The following LNPEP variants were observed in gnomAD, a reference collection of about 807,000 sequenced individuals.
The protein encoded by LNPEP is leucyl and cystinyl aminopeptidase, also known as leucyl-cystinyl aminopeptidase.
LNPEP carries 64 observed loss-of-function variants against 120.6 expected under a neutral mutation model. That is an observed-to-expected ratio of 0.53 (90% confidence interval 0.43 to 0.65). The LOEUF is 0.65. Among genes scored for constraint, LNPEP ranks in the 30% least tolerant of loss-of-function variants. The pLI, the probability that LNPEP is intolerant of heterozygous loss-of-function variation, is 0.00. For synonymous variants in LNPEP, 435 were observed against 425.4 expected, an observed-to-expected ratio of 1.02 and a Z score of -0.28; for missense variants, 1,057 against 1,200.0, an observed-to-expected ratio of 0.88 and a Z score of 1.76.
In LNPEP at chr5:96,954,749, CATATAT is replaced by C. The variant is rs1193708221; in HGVS notation, c.19+18594_19+18599del. 1.9e-3 allele frequency among the ~76,000 whole-genome samples: 46 copies of C among 24,204 alleles called. 8 individuals are homozygous for C. The highest frequency in any genetic ancestry group is 6.1e-3 in the African/African-American group (33 of 5,410). 15.9% of individuals were successfully genotyped at this position (24,204 alleles called of 152,430 possible). On this transcript the variant is annotated intron_variant, in intron 1 of 17. Transcript: ENST00000231368. ...ATATATATATACATATATATATACACATATATATATATATATATATATATTTTTTTT... is the reference window on the plus strand; with the variant it reads ...ATATATATATACATATATATATACACATATATATATATATATATTTTTTTT...
intron 1 of LNPEP, chr5:96,942,826 A>T (rs1045790614): frequency 2.0e-5 from 3 of 152,798 alleles, no homozygotes; most frequent in African/African-American, 7.2e-5. Flanking sequence ...ATACATATGT[A>T]ACAAACCTGC....
chr5:96,991,504 A>G (rs1266000417), intron 4 of LNPEP, among the ~76,000 whole-genome samples: 3 of 152,034 alleles, frequency 2.0e-5, no homozygotes, highest in Non-Finnish European at 4.4e-5. Context: ...GGCCATTTTT[A>G]CCAGGAGTAA....
chr5:96,979,777 C>A lies in LNPEP; in HGVS notation c.659C>A (p.Thr220Asn), dbSNP rs200097839. 1 of 1,613,964 alleles carries A rather than the reference C, an allele frequency of 6.2e-7. No individual in the cohort carries two copies. The highest frequency in any genetic ancestry group is 8.5e-7 in the Non-Finnish European group (1 of 1,179,932). Reference sequence around the variant, plus strand: ...ACAGGTCATAATATTTCAAGAGTGACCTTTATGTCAGCAGTTTCAAGCCAA... The same window carrying A: ...ACAGGTCATAATATTTCAAGAGTGAACTTTATGTCAGCAGTTTCAAGCCAA... ...HSTGHNISRV[T>N]FMSAVSSQEK... Residue 220 changes from threonine to asparagine, a missense_variant, in exon 2 of 18, where the codon ACC (threonine) becomes AAC (asparagine). Thr to Asn is a moderately conservative substitution (Grantham distance 65). Transcript: ENST00000231368.
chr5:96,955,577 T>C (rs1370520929), intron 1 of LNPEP, among the ~76,000 whole-genome samples: 3 of 152,182 alleles, frequency 2.0e-5, no homozygotes, highest in Non-Finnish European at 4.4e-5. Context: ...ATTGTGCCAC[T>C]GCACTCCAGC....
At chr5:97,001,686 G>T (rs1422183979) in intron 8 of LNPEP, among the ~76,000 whole-genome samples, 1 of 152,144 alleles carries the variant, frequency 6.6e-6, no homozygotes, top group African/African-American at 2.4e-5. Context: ...ACGAGACCGA[G>T]AAGGATGGCC....
In LNPEP at chr5:96,979,623, C is replaced by T; in HGVS notation, c.505C>T (p.Pro169Ser). The T allele has an allele frequency of 6.2e-7, 1 of 1,614,134 alleles. No individual in the cohort carries two copies. The highest frequency in any genetic ancestry group is 8.5e-7 in the Non-Finnish European group (1 of 1,179,990). ...KLFPWAQIRLPTAVVPLRYEL... is the reference protein window; with the variant it reads ...KLFPWAQIRLSTAVVPLRYEL... ...GTTTCCATGGGCACAGATCAGGCTT[C>T]CCACTGCCGTTGTGCCACTACGCTA... is the stretch of plus-strand genomic sequence containing the variant. The change falls in exon 2 of 18, where the codon CCC becomes TCC. Residue 169 changes from proline to serine, a missense_variant. Physicochemically the swap from Pro to Ser is moderately conservative, Grantham distance 74. Coordinates refer to ENST00000231368, the MANE Select transcript of LNPEP (RefSeq NM_005575.3).
At chr5:97,012,950 A>G (rs189313393) in intron 11 of LNPEP, among the ~76,000 whole-genome samples, 5 of 152,270 alleles carry the variant, frequency 3.3e-5, no homozygotes, top group African/African-American at 9.6e-5. Flanking sequence ...ACTTTTCTAA[A>G]TGGCTTTGTT....
At chr5:97,005,063 A>G (rs1192088862) in intron 9 of LNPEP, among the ~76,000 whole-genome samples, 2 of 152,194 alleles carry the variant, frequency 1.3e-5, no homozygotes, top group African/African-American at 4.8e-5. Flanking sequence ...CCTTGGTTTT[A>G]GGCAAGCTTA....
At chr5:96,966,460 A>G (rs1047497365) in intron 1 of LNPEP, among the ~76,000 whole-genome samples, 1 of 151,148 alleles carries the variant, frequency 6.6e-6, no homozygotes, top group African/African-American at 2.4e-5. Flanking sequence ...TAATTGTGCC[A>G]TTGCACTCCA....
At chr5:96,936,318 G>T in intron 1 of LNPEP, 144 bp downstream of exon 1, 2 of 316,964 alleles carry the variant, frequency 6.3e-6, no homozygotes, top group Non-Finnish European at 5.3e-6. Flanking sequence ...AGGGAGAGGG[G>T]ATCTGGGGGA....
intron 4 of LNPEP, among the ~76,000 whole-genome samples, chr5:96,987,221 C>T (rs1047579591): frequency 1.3e-5 from 2 of 152,020 alleles, no homozygotes; most frequent in African/African-American, 4.8e-5. Flanking sequence ...AAATTAGACT[C>T]TTCTGTTTTT....
intron 15 of LNPEP, 148 bp from the exon 16 acceptor site, chr5:97,026,469 C>T (rs1582037993): frequency 1.9e-6 from 1 of 525,192 alleles, no homozygotes; most frequent in Non-Finnish European, 3.3e-6. Context: ...CATTTTCAAT[C>T]TATAGATCAA....
chr5:97,023,700 A>G (rs1162567829), intron 14 of LNPEP, among the ~76,000 whole-genome samples: 3 of 152,114 alleles, frequency 2.0e-5, no homozygotes, highest in Admixed American at 1.3e-4. Flanking sequence ...TTGGTGTGCA[A>G]ATATCTCCTA....
intron 11 of LNPEP, among the ~76,000 whole-genome samples, chr5:97,009,594 A>G (rs1790876371): frequency 6.6e-6 from 1 of 152,236 alleles, no homozygotes; most frequent in Admixed American, 6.5e-5. Context: ...TCACTAGAAT[A>G]TAATTGATTT....
Position 96,954,772 on chromosome 5 carries a change from ATTTTTT to A in LNPEP, c.19+18621_19+18626del, listed in dbSNP as rs1160402498. On this transcript the variant is annotated intron_variant, in intron 1 of 17. Transcript: ENST00000231368. ...CACATATATATATATATATATATATATTTTTTTTTTTTTTTTTTTTTTTTTTTTGAG... is the reference window on the plus strand; with the variant it reads ...CACATATATATATATATATATATATATTTTTTTTTTTTTTTTTTTTTTGAG... 7.4e-4 allele frequency among the ~76,000 whole-genome samples: 20 copies of A among 27,104 alleles called. 1 individual carries two copies. Among genetic ancestry groups the A allele is most frequent in the African/African-American group, 2.6e-3 (17 of 6,602 alleles). The allele number at this position is 27,104 out of a possible 152,430, so 17.8% of individuals were successfully genotyped here. A position where few individuals can be genotyped will look rare whatever the true frequency, so the allele number is the denominator to read the frequency against.
chr5:97,017,256 A>G (rs952406581), intron 13 of LNPEP, among the ~76,000 whole-genome samples: 1 of 152,200 alleles, frequency 6.6e-6, no homozygotes, highest in Admixed American at 6.5e-5. Flanking sequence ...TTTTTGATAT[A>G]TGTATTGACC....
rs1264794257 is a variant in LNPEP at position 97,011,073 on chromosome 5, G to T, written c.2036-2575G>T. On this transcript the variant is annotated intron_variant, in intron 11 of 17. Coordinates refer to ENST00000231368, the MANE Select transcript of LNPEP (RefSeq NM_005575.3). ...CTTGGCTAGGTTTACAACATGGCAA[G>T]CTGCTTATCAACCAAGGTATTCCGT... The T allele has an allele frequency of 3.0e-6, 3 of 985,318 alleles. No individual in the cohort carries two copies. In the African/African-American group the frequency reaches 5.2e-5, roughly 17 times the overall value. 61.0% of individuals were successfully genotyped at this position (985,318 alleles called of 1,614,324 possible). A position where few individuals can be genotyped will look rare whatever the true frequency, so the allele number is the denominator to read the frequency against.
chr5:97,027,801 C>A lies in LNPEP; in HGVS notation c.2933C>A (p.Thr978Lys). 1 of 1,602,040 alleles carries A rather than the reference C, an allele frequency of 6.2e-7. No homozygotes were observed. The highest frequency in any genetic ancestry group is 8.6e-7 in the Non-Finnish European group (1 of 1,168,964). ...TCAACTTACCTGTTTTCAACAAAGACACATTTATCTGAGGTTGGTTTTATA... is the reference window on the plus strand; with the variant it reads ...TCAACTTACCTGTTTTCAACAAAGAAACATTTATCTGAGGTTGGTTTTATA... ...AGSTYLFSTK[T>K]HLSEVQAFFE... The change falls in exon 17 of 18, where the codon ACA (threonine) becomes AAA (lysine). Residue 978 changes from threonine (T) to lysine (K), a missense_variant. Physicochemically the swap from Thr to Lys is moderately conservative, Grantham distance 78. Transcript: ENST00000231368.
At chr5:96,973,274 G>GA (rs200960400) in intron 1 of LNPEP, among the ~76,000 whole-genome samples, 499 of 152,074 alleles carry the variant, frequency 3.3e-3, no homozygotes, top group Middle Eastern at 0.01. Context: ...GACCTACCCA[G>GA]AAAAAAATCA....
Sources: allele counts gnomAD v4.1 joint callset (sites outside exome capture counted in the v4.1 genomes callset), GRCh38; gene constraint gnomAD v4.1.1; transcripts MANE v1.5; gene names NCBI Gene and HGNC (gene_info 2026-07-23, HGNC 2026-07-21).